ASXL2: variants seen among roughly 807,000 people sequenced by gnomAD.
The protein encoded by ASXL2 is ASXL transcriptional regulator 2.
A neutral mutation model predicts 122.0 loss-of-function variants in ASXL2; 23 were observed. The ratio of observed to expected loss-of-function variants is 0.19; its 90% confidence interval spans 0.14 to 0.27. The LOEUF is 0.27. Ranked by LOEUF, ASXL2 falls within the 10% of genes least tolerant of loss-of-function variation. ASXL2 has a pLI of 1.00. For synonymous variants in ASXL2, 650 were observed against 637.0 expected, an observed-to-expected ratio of 1.02 and a Z score of -0.31; for missense variants, 1,518 against 1,713.8, an observed-to-expected ratio of 0.89 and a Z score of 2.02.
At chr2:25,781,674 T>C (rs2088640246) in intron 5 of ASXL2, among the ~76,000 whole-genome samples, 1 of 149,944 alleles carries the variant, frequency 6.7e-6, no homozygotes, top group Non-Finnish European at 1.5e-5. Context: ...ACCTGGCTTT[T>C]TTTTTTTTTT....
intron 3 of ASXL2, among the ~76,000 whole-genome samples, chr2:25,834,180 C>T (rs1370375963): frequency 1.3e-5 from 2 of 151,994 alleles, no homozygotes; most frequent in African/African-American, 4.8e-5. Context: ...TGGTAAAACC[C>T]CGTCTCTACT....
chr2:25,786,534 C>T (rs77262249), intron 5 of ASXL2, among the ~76,000 whole-genome samples: 38,534 of 151,946 alleles, frequency 0.25, 5,127 homozygotes, highest in Non-Finnish European at 0.29. Context: ...CCACCACGCC[C>T]GGCCCACATC....
At position 25,743,279 on chromosome 2, in the gene ASXL2, G is replaced by C; in HGVS notation, c.3058C>G (p.Leu1020Val). ...RQSHPATQQQ[L>V]GKTLQSKQLP... is the part of the protein sequence containing the mutation. The stretch of plus-strand genomic sequence containing the variant: ...TGCTTACTTTGCAAGGTTTTGCCCA[G>C]CTGCTGCTGCGTAGCTGGATGGGAC... The change falls in exon 13 of 13, where the codon CTG becomes GTG. Residue 1020 changes from leucine to valine, a missense_variant. Physicochemically the swap from Leu to Val is conservative, Grantham distance 32 (BLOSUM62 1). Coordinates refer to ENST00000435504, the MANE Select transcript of ASXL2 (RefSeq NM_018263.6). The C allele has an allele frequency of 1.9e-6, 3 of 1,613,750 alleles. No individual in the cohort carries two copies. Among genetic ancestry groups the C allele is most frequent in the South Asian group, 2.2e-5 (2 of 91,072 alleles).
chr2:25,790,410 A>C (rs542000503), intron 5 of ASXL2, among the ~76,000 whole-genome samples: 2 of 151,800 alleles, frequency 1.3e-5, no homozygotes, highest in Non-Finnish European at 2.9e-5. Flanking sequence ...TATTAAAAAT[A>C]AGACCTTGGT....
intron 5 of ASXL2, among the ~76,000 whole-genome samples, chr2:25,793,561 T>C (rs181763970): frequency 6.6e-6 from 1 of 152,192 alleles, no homozygotes; most frequent in Non-Finnish European, 1.5e-5. Context: ...TAGGGAGAGA[T>C]CAGACACTGA....
At chr2:25,783,737 C>T (rs1398397768) in intron 5 of ASXL2, among the ~76,000 whole-genome samples, 2 of 151,524 alleles carry the variant, frequency 1.3e-5, no homozygotes, top group East Asian at 1.9e-4. Context: ...GCCTGGGCAA[C>T]GTGGCAAAAT....
rs367562789 is a variant in ASXL2, at chr2:25,743,171, C to G, written c.3166G>C (p.Glu1056Gln). 1 of 1,613,972 alleles carries G rather than the reference C, an allele frequency of 6.2e-7. No individual in the cohort carries two copies. The highest frequency in any genetic ancestry group is 8.5e-7 in the Non-Finnish European group (1 of 1,179,888). Residue 1056 changes from glutamate (E) to glutamine (Q), a missense_variant, in exon 13 of 13, where the codon GAA becomes CAA. Glu to Gln is a conservative substitution (Grantham distance 29). This residue lies in a region of ASXL2 where 831 missense variants were observed against 833.1 expected (regional missense o/e 1.00). Transcript: ENST00000435504. ...TCTTGGGTTGCTTTACTTAGTCCTTCGTGGTATTGGTGTGTGTCAATGCTG... is the reference window on the plus strand; with the variant it reads ...TCTTGGGTTGCTTTACTTAGTCCTTGGTGGTATTGGTGTGTGTCAATGCTG... ...DSSIDTHQYH[E>Q]GLSKATQDQI...
chr2:25,827,303 T>G (rs1390420806), intron 3 of ASXL2, among the ~76,000 whole-genome samples: 1 of 152,154 alleles, frequency 6.6e-6, no homozygotes, highest in Non-Finnish European at 1.5e-5. Context: ...CAAAAATAGA[T>G]TTTATGGCAT....
At chr2:25,775,789 TCA>T (rs763554799) in intron 5 of ASXL2, among the ~76,000 whole-genome samples, 20 of 152,204 alleles carry the variant, frequency 1.3e-4, no homozygotes, top group Non-Finnish European at 2.8e-4. Flanking sequence ...ACACCCTCTC[TCA>T]GTCTCCTCCT....
At chr2:25,871,294 G>T (rs914680133) in intron 1 of ASXL2, among the ~76,000 whole-genome samples, 10 of 152,100 alleles carry the variant, frequency 6.6e-5, no homozygotes, top group African/African-American at 1.7e-4. Flanking sequence ...TTCGTAGAGG[G>T]GGGGAAAAAT....
chr2:25,782,147 C>G (rs552734748), intron 5 of ASXL2, among the ~76,000 whole-genome samples: 1 of 151,902 alleles, frequency 6.6e-6, no homozygotes, highest in East Asian at 1.9e-4. Flanking sequence ...GTTTGTCAGA[C>G]GCAAAATCGT....
chr2:25,766,672 A>T (rs1239862966), intron 8 of ASXL2, among the ~76,000 whole-genome samples: 1 of 152,198 alleles, frequency 6.6e-6, no homozygotes, highest in Non-Finnish European at 1.5e-5. Flanking sequence ...ATGCCTTGTT[A>T]GTAGCATTTT....
At chr2:25,777,863 TTTGA>T (rs2088573822) in intron 5 of ASXL2, among the ~76,000 whole-genome samples, 1 of 152,188 alleles carries the variant, frequency 6.6e-6, no homozygotes, top group South Asian at 2.1e-4. Context: ...AATAAGACAG[TTTGA>T]TTGGCATCCT....
chr2:25,833,860 A>G (rs1051283511), intron 3 of ASXL2, among the ~76,000 whole-genome samples: 2 of 152,156 alleles, frequency 1.3e-5, no homozygotes, highest in Admixed American at 6.5e-5. Context: ...ACAATGACTA[A>G]TTTAGCCCAG....
At chr2:25,804,921 G>A (rs2089059597) in intron 4 of ASXL2, among the ~76,000 whole-genome samples, 1 of 152,120 alleles carries the variant, frequency 6.6e-6, no homozygotes, top group African/African-American at 2.4e-5. Flanking sequence ...GTGGTGGTGG[G>A]CATCTGTAAT....
intron 2 of ASXL2, among the ~76,000 whole-genome samples, chr2:25,843,846 A>G (rs1025611296): frequency 6.6e-6 from 1 of 151,972 alleles, no homozygotes; most frequent in East Asian, 1.9e-4. Flanking sequence ...AGAAAGAAAG[A>G]AAGAAAAAAT....
At chr2:25,864,795 T>C (rs1574454821) in intron 1 of ASXL2, among the ~76,000 whole-genome samples, 1 of 152,006 alleles carries the variant, frequency 6.6e-6, no homozygotes, top group Admixed American at 6.5e-5. Context: ...TTATTGCTCT[T>C]ACACAATTAC....
chr2:25,841,502 TG>T (rs1200367737), intron 2 of ASXL2, among the ~76,000 whole-genome samples: 1 of 151,944 alleles, frequency 6.6e-6, no homozygotes, highest in African/African-American at 2.4e-5. Context: ...AGAAATTGTA[TG>T]TTTTTTTACC....
intron 3 of ASXL2, chr2:25,822,624 T>C (rs2089326066): frequency 3.6e-6 from 2 of 561,032 alleles, no homozygotes; most frequent in Non-Finnish European, 6.8e-6. Flanking sequence ...TTAAATGAAG[T>C]TGATCTTTTT....
Sources: gnomAD v4.1 joint callset for allele counts (sites outside exome capture counted in the v4.1 genomes callset) on GRCh38, gnomAD v4.1.1 for gene constraint, gnomAD v4.1.1 regional missense constraint, MANE v1.5 for transcripts, NCBI Gene and HGNC (gene_info 2026-07-23, HGNC 2026-07-21) for gene names.